Variants in POU6F2 observed in about 807,000 individuals in gnomAD.
POU6F2 encodes the protein POU class 6 homeobox 2.
Under a neutral mutation model 71.3 loss-of-function variants are expected in POU6F2, and 31 were observed. That is an observed-to-expected ratio of 0.43 (90% CI 0.33 to 0.59). POU6F2 has a LOEUF of 0.59. POU6F2 is among the 20% of genes least tolerant of loss of function. POU6F2 has a pLI of 0.04. For missense variants in POU6F2, 783 were observed against 856.8 expected (o/e 0.91, Z 1.07); for synonymous variants, 347 against 355.7 (o/e 0.98, Z 0.27).
intron 4 of POU6F2, among the ~76,000 whole-genome samples, chr7:39,323,252 T>C (rs1562790102): frequency 6.6e-6 from 1 of 152,206 alleles, no homozygotes; most frequent in African/African-American, 2.4e-5. Context: ...GAGGGGGCAG[T>C]TCATTCTGGC....
At chr7:39,444,594 A>C (rs1441616212) in intron 7 of POU6F2, among the ~76,000 whole-genome samples, 5 of 152,226 alleles carry the variant, frequency 3.3e-5, no homozygotes, top group Non-Finnish European at 7.3e-5. Context: ...AAACAAACAA[A>C]CAACCAGATG....
chr7:39,380,338 G>T (rs555412758), intron 5 of POU6F2, among the ~76,000 whole-genome samples: 1 of 152,312 alleles, frequency 6.6e-6, no homozygotes, highest in Non-Finnish European at 1.5e-5. Context: ...TTTTCAATGT[G>T]TTGTGGGATT....
intron 2 of POU6F2, among the ~76,000 whole-genome samples, chr7:39,090,025 C>T: frequency 6.6e-6 from 1 of 151,786 alleles, no homozygotes; most frequent in Admixed American, 6.6e-5. Context: ...GATGGAACTG[C>T]AAAACCACGT....
In POU6F2 at chr7:39,180,641, G is replaced by A. The variant is rs1276368598; in HGVS notation, c.278-23594G>A. On this transcript the variant is annotated intron_variant, in intron 2 of 9. Transcript: ENST00000518318. ...TTGGGTCATGGCTGGCTTCATGGCT[G>A]TGTGATTCATGCAGGCGCTTAGGAC... Among the ~76,000 whole-genome samples, 6 of 152,170 alleles carry A rather than the reference G, an allele frequency of 3.9e-5. No homozygotes were observed. In the South Asian group the frequency reaches 8.3e-4, roughly 21 times the overall value.
At chr7:39,276,810 C>A (rs1349087485) in intron 4 of POU6F2, among the ~76,000 whole-genome samples, 5 of 151,356 alleles carry the variant, frequency 3.3e-5, no homozygotes, top group African/African-American at 9.7e-5. Flanking sequence ...GGACAAAAAA[C>A]CAAACACCGC....
intron 2 of POU6F2, among the ~76,000 whole-genome samples, chr7:39,091,108 A>G (rs1430200890): frequency 6.6e-6 from 1 of 152,228 alleles, no homozygotes; most frequent in Non-Finnish European, 1.5e-5. Flanking sequence ...GTAATGCTGC[A>G]TTGATAAATA....
intron 3 of POU6F2, among the ~76,000 whole-genome samples, chr7:39,205,681 A>T (rs748850369): frequency 1.1e-4 from 17 of 152,128 alleles, no homozygotes; most frequent in Non-Finnish European, 1.9e-4. Flanking sequence ...GTATTTTTTT[A>T]AAAAGGGAAG....
At chr7:38,996,824 G>A (rs1218299775) in intron 1 of POU6F2, among the ~76,000 whole-genome samples, 1 of 152,134 alleles carries the variant, frequency 6.6e-6, no homozygotes, top group African/African-American at 2.4e-5. Context: ...AAGGCTGACA[G>A]CCTTCCATTC....
intron 1 of POU6F2, among the ~76,000 whole-genome samples, chr7:39,061,315 G>A (rs1790652074): frequency 1.3e-5 from 2 of 152,092 alleles, no homozygotes; most frequent in Non-Finnish European, 2.9e-5. Context: ...AGTTGGAAAA[G>A]GAAGGAGTAT....
chr7:39,348,646 A>C (rs1786076058), intron 5 of POU6F2, among the ~76,000 whole-genome samples: 3 of 152,158 alleles, frequency 2.0e-5, no homozygotes, highest in Admixed American at 2.0e-4. Context: ...TGCGATGTTC[A>C]TTTTGGTTAT....
chr7:39,196,762 A>G (rs1178179347), intron 2 of POU6F2, among the ~76,000 whole-genome samples: 1 of 147,930 alleles, frequency 6.8e-6, no homozygotes, highest in African/African-American at 2.5e-5. Flanking sequence ...CCATCTCAAG[A>G]AAAAAAAAAA....
At chr7:39,328,498 A>T (rs1785567870) in intron 4 of POU6F2, among the ~76,000 whole-genome samples, 1 of 152,192 alleles carries the variant, frequency 6.6e-6, no homozygotes. Context: ...TTGGTCCTGT[A>T]TAGGGTCTAG....
intron 4 of POU6F2, among the ~76,000 whole-genome samples, chr7:39,239,541 A>G (rs959781894): frequency 3.3e-5 from 5 of 152,138 alleles, no homozygotes; most frequent in African/African-American, 7.2e-5. Flanking sequence ...TATGTTTTCC[A>G]TATTAATTTT....
Position 39,339,956 on chromosome 7 carries a change from C to G in POU6F2, c.913C>G (p.Pro305Ala), listed in dbSNP as rs1219981784. The G allele has an allele frequency of 6.2e-7, 1 of 1,613,828 alleles. No individual in the cohort carries two copies. The highest frequency in any genetic ancestry group is 8.5e-7 in the Non-Finnish European group (1 of 1,179,858). The change falls in exon 5 of 10, where the codon CCT becomes GCT. Residue 305 changes from proline (P) to alanine (A), a missense_variant. This residue lies in a region of POU6F2 where 572 missense variants were observed against 572.9 expected (regional missense o/e 1.00). Transcript: ENST00000518318. ...GCAGAGCTCCAGCCCCCCGCAGAAA[C>G]CTAGTCAGTCTCCAGGACATGGCCT... The part of the protein sequence containing the change: ...TQQSSSPPQK[P>A]SQSPGHGLPS...
chr7:39,194,229 C>T (rs1038637297), intron 2 of POU6F2, among the ~76,000 whole-genome samples: 5 of 152,334 alleles, frequency 3.3e-5, no homozygotes, highest in African/African-American at 1.2e-4. Flanking sequence ...ATGAAACAGT[C>T]ACTGGTCAAA....
At chr7:39,361,375 T>A (rs910283192) in intron 5 of POU6F2, among the ~76,000 whole-genome samples, 1 of 152,254 alleles carries the variant, frequency 6.6e-6, no homozygotes, top group Non-Finnish European at 1.5e-5. Context: ...GCTGTCATTT[T>A]TTTAACCTTC....
chr7:39,395,811 A>G (rs1787164471), intron 5 of POU6F2, among the ~76,000 whole-genome samples: 1 of 152,168 alleles, frequency 6.6e-6, no homozygotes, highest in African/African-American at 2.4e-5. Context: ...TAAAGAGTGT[A>G]TTGTGCTTTT....
chr7:39,194,703 G>A (rs1421628307), intron 2 of POU6F2, among the ~76,000 whole-genome samples: 3 of 152,150 alleles, frequency 2.0e-5, no homozygotes, highest in African/African-American at 7.2e-5. Context: ...TGGGATATTT[G>A]TTCTTTCGTT....
intron 4 of POU6F2, among the ~76,000 whole-genome samples, chr7:39,224,601 CT>C (rs1182015984): frequency 6.6e-6 from 1 of 152,144 alleles, no homozygotes; most frequent in Non-Finnish European, 1.5e-5. Context: ...GACTGCTTTA[CT>C]TTACGCCAGT....
Sources: gnomAD v4.1 joint callset for allele counts (sites outside exome capture counted in the v4.1 genomes callset) on GRCh38, gnomAD v4.1.1 for gene constraint, gnomAD v4.1.1 regional missense constraint, MANE v1.5 for transcripts, NCBI Gene and HGNC (gene_info 2026-07-23, HGNC 2026-07-21) for gene names.